NRG1: variants seen among roughly 807,000 people sequenced by gnomAD.
NRG1 encodes the protein neuregulin 1.
A neutral mutation model predicts 63.8 loss-of-function variants in NRG1; 18 were observed. The observed-to-expected ratio is 0.28, with a 90% CI of 0.19 to 0.42. NRG1 has a LOEUF of 0.42. NRG1 is among the 10% of genes least tolerant of loss of function. NRG1 has a pLI of 1.00. For synonymous variants in NRG1, 302 were observed against 301.3 expected (o/e 1.00, Z -0.02); for missense variants, 762 against 814.7 (o/e 0.94, Z 0.79).
intron 1 of NRG1, among the ~76,000 whole-genome samples, chr8:32,342,632 T>G (rs1284350548): frequency 1.3e-5 from 2 of 152,336 alleles, no homozygotes; most frequent in African/African-American, 4.8e-5. Flanking sequence ...CCCTTGTTCT[T>G]GATAATACAG....
At chr8:31,956,587 G>A (rs1804466967) in intron 1 of NRG1, among the ~76,000 whole-genome samples, 1 of 152,154 alleles carries the variant, frequency 6.6e-6, no homozygotes, top group Non-Finnish European at 1.5e-5. Context: ...TCGTGCCACT[G>A]CACTCCAGTC....
intron 1 of NRG1, among the ~76,000 whole-genome samples, chr8:31,967,628 A>T (rs1339069147): frequency 6.6e-6 from 1 of 152,212 alleles, no homozygotes; most frequent in Non-Finnish European, 1.5e-5. Context: ...GAAAACCAGA[A>T]GGCAGGGTGA....
chr8:31,903,490 A>G (rs1218596987), intron 1 of NRG1, among the ~76,000 whole-genome samples: 4 of 152,050 alleles, frequency 2.6e-5, no homozygotes, highest in African/African-American at 4.8e-5. Context: ...CCTAAACATC[A>G]TGGCAAAGAG....
chr8:32,742,611 C>T lies in NRG1; in HGVS notation c.633-64C>T. 6.8e-7 allele frequency: 1 copy of T among 1,465,146 alleles called. No homozygotes were observed. The highest frequency in any genetic ancestry group is 1.4e-5 in the African/African-American group (1 of 71,792). 90.8% of individuals were successfully genotyped at this position (1,465,146 alleles called of 1,614,324 possible). On this transcript the variant is annotated intron_variant, in intron 6 of 11. Coordinates refer to ENST00000356819, the Ensembl canonical transcript of NRG1. The surrounding 1 kb of genome is among the most constrained non-coding windows in gnomAD (Gnocchi z 4.2). ...TGACACTGAAGGAGCTTCTTTCTAG[C>T]ATATATTCACCTCTTCTCTTTTTCT...
chr8:32,210,581 A>G (rs1306725552), intron 1 of NRG1, among the ~76,000 whole-genome samples: 3 of 152,208 alleles, frequency 2.0e-5, no homozygotes, highest in African/African-American at 7.2e-5. Flanking sequence ...CAGCCACGGT[A>G]CAACCAGCTC....
intron 1 of NRG1, among the ~76,000 whole-genome samples, chr8:32,049,283 T>C (rs1821594316): frequency 6.6e-6 from 1 of 152,142 alleles, no homozygotes. Flanking sequence ...ATTAACATTC[T>C]AAGCTTATGA....
intron 1 of NRG1, among the ~76,000 whole-genome samples, chr8:32,469,200 C>T (rs1397468820): frequency 2.6e-5 from 4 of 152,100 alleles, no homozygotes; most frequent in Admixed American, 1.3e-4. Context: ...AGTCATGTGG[C>T]ATCATTGAGA....
At chr8:31,777,457 C>A (rs1249211570) in intron 1 of NRG1, among the ~76,000 whole-genome samples, 3 of 152,220 alleles carry the variant, frequency 2.0e-5, no homozygotes, top group Non-Finnish European at 4.4e-5. Context: ...GAGCCCCAGG[C>A]TCAGGCATTC....
intron 1 of NRG1, among the ~76,000 whole-genome samples, chr8:32,205,402 A>G (rs1014645197): frequency 6.6e-6 from 1 of 152,162 alleles, no homozygotes; most frequent in Admixed American, 6.5e-5. Flanking sequence ...TCTTGCTGAG[A>G]CATTTGTGAT....
intron 1 of NRG1, among the ~76,000 whole-genome samples, chr8:32,474,535 C>T (rs1824251992): frequency 6.6e-6 from 1 of 150,640 alleles, no homozygotes; most frequent in South Asian, 2.1e-4. Flanking sequence ...ACTCTGCCGC[C>T]AGGCTGGAGG....
intron 1 of NRG1, among the ~76,000 whole-genome samples, chr8:31,837,458 C>G (rs1475740246): frequency 6.6e-6 from 1 of 152,024 alleles, no homozygotes; most frequent in African/African-American, 2.4e-5. Context: ...ATAATCAAAT[C>G]ATGGTAATTA....
At chr8:31,994,227 C>T (rs190336465) in intron 1 of NRG1, among the ~76,000 whole-genome samples, 13 of 151,840 alleles carry the variant, frequency 8.6e-5, no homozygotes, top group East Asian at 3.9e-4. Context: ...GATTGAGAGA[C>T]GGGAGCAATC....
chr8:31,756,545 TA>T (rs1816984641), intron 1 of NRG1, among the ~76,000 whole-genome samples: 1 of 152,110 alleles, frequency 6.6e-6, no homozygotes, highest in African/African-American at 2.4e-5. Context: ...GAAAGGGTAG[TA>T]AACTCCTCCT....
chr8:32,639,552 G>A (rs887952801), intron 5 of NRG1, among the ~76,000 whole-genome samples: 6 of 152,174 alleles, frequency 3.9e-5, no homozygotes, highest in Non-Finnish European at 2.9e-5. Flanking sequence ...TGAAGTTTCA[G>A]TCTCTTGAAT....
chr8:31,944,522 C>G (rs1341454029), intron 1 of NRG1, among the ~76,000 whole-genome samples: 1 of 152,170 alleles, frequency 6.6e-6, no homozygotes, highest in East Asian at 1.9e-4. Flanking sequence ...AAAACTCTGT[C>G]TCATAACTTC....
intron 1 of NRG1, among the ~76,000 whole-genome samples, chr8:32,087,154 G>T (rs563596671): frequency 8.5e-5 from 13 of 152,312 alleles, no homozygotes; most frequent in Non-Finnish European, 1.5e-4. Flanking sequence ...CAAATCGCAT[G>T]TAGAAACATG....
At chr8:32,423,041 C>G (rs772176953) in intron 1 of NRG1, among the ~76,000 whole-genome samples, 1 of 152,166 alleles carries the variant, frequency 6.6e-6, no homozygotes, top group Non-Finnish European at 1.5e-5. Context: ...AACTGCACTC[C>G]CCATGAAAGA....
At chr8:32,772,083 A>G (rs1311108437), downstream of NRG1, among the ~76,000 whole-genome samples, 1 of 136,070 alleles carries the variant, frequency 7.3e-6, no homozygotes, top group Non-Finnish European at 1.6e-5. Flanking sequence ...ATATATATAT[A>G]TATATAAAAT....
chr8:32,448,759 C>G (rs1400364705), intron 1 of NRG1, among the ~76,000 whole-genome samples: 1 of 152,070 alleles, frequency 6.6e-6, no homozygotes, highest in Non-Finnish European at 1.5e-5. Flanking sequence ...CCCCAGGGGT[C>G]CCCCCTGCCA....
Sources: gnomAD v4.1 joint callset for allele counts (sites outside exome capture counted in the v4.1 genomes callset) on GRCh38, gnomAD v4.1.1 for gene constraint, Gnocchi (gnomAD v3.1) non-coding constraint, MANE v1.5 for transcripts, NCBI Gene and HGNC (gene_info 2026-07-23, HGNC 2026-07-21) for gene names.